The following DCC variants were observed in gnomAD, a reference collection of about 807,000 sequenced individuals.
DCC encodes the protein netrin receptor DCC.
In DCC, 58 loss-of-function variants were observed where a neutral mutation model predicts 172.5. The observed-to-expected ratio is 0.34, with a 90% CI of 0.27 to 0.42. The LOEUF is 0.42. Ranked by LOEUF, DCC falls within the 10% of genes least tolerant of loss-of-function variation. The pLI, the probability that DCC is intolerant of heterozygous loss-of-function variation, is 1.00. For synonymous variants in DCC, 709 were observed against 644.5 expected, an observed-to-expected ratio of 1.10 and a Z score of -1.52; for missense variants, 1,740 against 1,791.0, an observed-to-expected ratio of 0.97 and a Z score of 0.51.
chr18:52,508,739 G>A (rs1341341980), intron 1 of DCC, among the ~76,000 whole-genome samples: 1 of 152,204 alleles, frequency 6.6e-6, no homozygotes, highest in Non-Finnish European at 1.5e-5. Flanking sequence ...TAAAGTTTGA[G>A]AGGAGAAATA....
intron 5 of DCC, among the ~76,000 whole-genome samples, chr18:53,049,781 C>T (rs527844129): frequency 6.6e-5 from 10 of 151,858 alleles, no homozygotes; most frequent in African/African-American, 1.4e-4. Context: ...AATTGCTTTG[C>T]GCAATGTACT....
At chr18:53,372,099 A>G (rs1446972553) in intron 15 of DCC, among the ~76,000 whole-genome samples, 1 of 152,146 alleles carries the variant, frequency 6.6e-6, no homozygotes, top group Non-Finnish European at 1.5e-5. Flanking sequence ...TGACTGAGCA[A>G]TCCTATTACT....
intron 7 of DCC, among the ~76,000 whole-genome samples, chr18:53,152,919 T>A (rs1028183950): frequency 1.3e-5 from 2 of 152,226 alleles, no homozygotes; most frequent in Non-Finnish European, 2.9e-5. Context: ...TGATTAATTC[T>A]ATGCTGAGCT....
chr18:52,732,630 G>T (rs557255673), intron 1 of DCC, among the ~76,000 whole-genome samples: 1 of 152,258 alleles, frequency 6.6e-6, no homozygotes, highest in East Asian at 1.9e-4. Flanking sequence ...CTTTGCAGAA[G>T]AAAGTTTGCA....
intron 5 of DCC, among the ~76,000 whole-genome samples, chr18:53,024,366 G>T (rs954492706): frequency 1.3e-5 from 2 of 152,062 alleles, no homozygotes; most frequent in Non-Finnish European, 2.9e-5. Context: ...ACTTTTGTTT[G>T]CCTCCCTTGC....
chr18:53,286,274 T>C (rs1453924666), intron 12 of DCC, among the ~76,000 whole-genome samples: 2 of 152,082 alleles, frequency 1.3e-5, no homozygotes, highest in Non-Finnish European at 2.9e-5. Flanking sequence ...CCACATGTTA[T>C]GGGAGGAACC....
chr18:52,539,608 C>T (rs998120543), intron 1 of DCC, among the ~76,000 whole-genome samples: 28 of 152,304 alleles, frequency 1.8e-4, no homozygotes, highest in Admixed American at 1.1e-3. Context: ...ACGGTTTCAT[C>T]CTGAATCCAT....
At chr18:53,178,842 T>A (rs2055149865) in intron 8 of DCC, 120 bp from the exon 9 acceptor site, 1 of 937,394 alleles carries the variant, frequency 1.1e-6, no homozygotes, top group Non-Finnish European at 1.7e-6. Context: ...TGTCCCAGAG[T>A]CAACATTAGA....
At chr18:53,481,349 C>G (rs1449901928) in intron 25 of DCC, among the ~76,000 whole-genome samples, 1 of 152,140 alleles carries the variant, frequency 6.6e-6, no homozygotes, top group Non-Finnish European at 1.5e-5. Flanking sequence ...GCACTTAGGA[C>G]TCTTTACCAT....
intron 5 of DCC, chr18:52,941,295 T>C (rs34864135): frequency 2.6e-5 from 4 of 152,238 alleles, no homozygotes; most frequent in Non-Finnish European, 5.9e-5. Context: ...TATATATTTA[T>C]GGAAGATGAG....
chr18:52,562,735 T>A (rs1020908112), intron 1 of DCC, among the ~76,000 whole-genome samples: 2 of 152,186 alleles, frequency 1.3e-5, no homozygotes, highest in South Asian at 4.1e-4. Context: ...TTTATGTCTA[T>A]CTGAACATAT....
At chr18:53,206,184 A>ATATATG (rs1178179263) in intron 10 of DCC, among the ~76,000 whole-genome samples, 13 of 2,710 alleles carry the variant, frequency 4.8e-3, no homozygotes, top group East Asian at 0.077. Flanking sequence ...TATATAATAC[A>ATATATG]TATACGTATA....
At chr18:53,424,780 C>G (rs750184147) in intron 21 of DCC, among the ~76,000 whole-genome samples, 2 of 152,186 alleles carry the variant, frequency 1.3e-5, no homozygotes, top group Admixed American at 6.5e-5. Context: ...ACAAACATAT[C>G]TCATGCCTAC....
intron 14 of DCC, among the ~76,000 whole-genome samples, chr18:53,331,052 G>A (rs886918132): frequency 6.6e-6 from 1 of 152,084 alleles, no homozygotes; most frequent in Non-Finnish European, 1.5e-5. Flanking sequence ...CCTTACATAC[G>A]AACTCTAATT....
Position 53,003,240 on chromosome 18 carries a change from G to T in DCC, c.986-60065G>T, listed in dbSNP as rs185267686. 4.6e-5 allele frequency among the ~76,000 whole-genome samples: 7 copies of T among 152,210 alleles called. No homozygotes were observed. In the East Asian group the frequency reaches 7.7e-4, roughly 17 times the overall value. Reference sequence around the variant, plus strand: ...TGAATGACTAATTAGAAGGCTGCAAGAAATCACCATCCTTTAATTAAATAA... The same window carrying T: ...TGAATGACTAATTAGAAGGCTGCAATAAATCACCATCCTTTAATTAAATAA... On this transcript the variant is annotated intron_variant, in intron 5 of 28. Transcript: ENST00000442544.
intron 27 of DCC, among the ~76,000 whole-genome samples, chr18:53,524,371 C>G (rs1406043129): frequency 6.6e-6 from 1 of 151,568 alleles, no homozygotes; most frequent in African/African-American, 2.4e-5. Flanking sequence ...TGTAATATAG[C>G]AACAGTATCA....
At chr18:53,512,952 T>C (rs899916928) in intron 27 of DCC, among the ~76,000 whole-genome samples, 8 of 152,154 alleles carry the variant, frequency 5.3e-5, no homozygotes, top group Admixed American at 1.3e-4. Context: ...ATTCAGGAAA[T>C]ACAGAGAATG....
chr18:52,555,747 C>A lies in DCC; in HGVS notation c.92-196307C>A, dbSNP rs575303717. Among the ~76,000 whole-genome samples the A allele has an allele frequency of 5.3e-4, 80 of 152,168 alleles. No individual in the cohort carries two copies. In the South Asian group the frequency reaches 7.5e-3, roughly 14 times the overall value. ...TCTGTTATTATTTAATTATATCAAA[C>A]AAAAGGATAGCATCTGATTTCGATT... On this transcript the variant is annotated intron_variant, in intron 1 of 28. Transcript: ENST00000442544.
intron 5 of DCC, among the ~76,000 whole-genome samples, chr18:53,022,009 A>G (rs965138063): frequency 9.9e-5 from 15 of 152,140 alleles, no homozygotes; most frequent in Non-Finnish European, 2.2e-4. Context: ...TGGGAAAGCT[A>G]TATTTTGTCA....
Sources: gnomAD v4.1 joint callset for allele counts (sites outside exome capture counted in the v4.1 genomes callset) on GRCh38, gnomAD v4.1.1 for gene constraint, MANE v1.5 for transcripts, NCBI Gene and HGNC (gene_info 2026-07-23, HGNC 2026-07-21) for gene names.